TMEM132B: variants seen among roughly 807,000 people sequenced by gnomAD.
TMEM132B encodes transmembrane protein 132B.
TMEM132B carries 18 observed loss-of-function variants against 90.8 expected under a neutral mutation model. The observed-to-expected ratio is 0.20, with a 90% CI of 0.14 to 0.29. The LOEUF (loss-of-function observed/expected upper bound fraction) is 0.29, where lower values mean the gene tolerates loss of function less well. TMEM132B is among the 10% of genes least tolerant of loss of function. The probability of loss-of-function intolerance (pLI) is 1.00; values close to 1 mark genes in which losing one functional copy is unlikely to be tolerated. For synonymous variants in TMEM132B, 504 were observed against 523.3 expected (o/e 0.96, Z 0.50); for missense variants, 1,096 against 1,326.8 (o/e 0.83, Z 2.70).
At position 125,480,525 on chromosome 12, in the gene TMEM132B, C is replaced by T. The variant is rs142994636; in HGVS notation, c.1107-38914C>T. ...AAAATCTAGAAGAAATGGATAAATT[C>T]CGGGCCACATACACCCTCCCAAGAC... On this transcript the variant is annotated intron_variant, in intron 3 of 8. Transcript: ENST00000682704. Among the ~76,000 whole-genome samples the T allele has an allele frequency of 7.0e-3, 1,066 of 152,262 alleles. 4 individuals are homozygous for T. The highest frequency in any genetic ancestry group is 0.012 in the Non-Finnish European group (787 of 68,014).
intron 3 of TMEM132B, among the ~76,000 whole-genome samples, chr12:125,448,931 A>G (rs1345182874): frequency 6.8e-6 from 1 of 147,408 alleles, no homozygotes; most frequent in Non-Finnish European, 1.5e-5. Flanking sequence ...AATTTTGAGC[A>G]TCTTTTATTG....
chr12:125,401,164 C>A (rs1428518395), intron 2 of TMEM132B, among the ~76,000 whole-genome samples: 1 of 152,154 alleles, frequency 6.6e-6, no homozygotes, highest in African/African-American at 2.4e-5. Flanking sequence ...CCCTTGAAGT[C>A]TCATATTCGT....
chr12:125,304,429 A>G (rs571046021), intron 1 of TMEM132B, among the ~76,000 whole-genome samples: 21 of 152,218 alleles, frequency 1.4e-4, no homozygotes, highest in Admixed American at 4.6e-4. Context: ...AATGATTGCA[A>G]AATCCATGAA....
intron 3 of TMEM132B, among the ~76,000 whole-genome samples, chr12:125,511,391 C>A (rs984560446): frequency 6.6e-6 from 1 of 152,122 alleles, no homozygotes; most frequent in Non-Finnish European, 1.5e-5. Flanking sequence ...GCATTGTAGT[C>A]GGTTCCAGGA....
At chr12:125,542,025 CA>C (rs71306285) in intron 4 of TMEM132B, among the ~76,000 whole-genome samples, 1,737 of 23,294 alleles carry the variant, frequency 0.075, 3 homozygotes, top group Middle Eastern at 0.1. Context: ...ACCCCCGTCT[CA>C]AAAAAAAAAA....
chr12:125,265,525 G>A (rs1202711837), intron 1 of TMEM132B, among the ~76,000 whole-genome samples: 4 of 152,182 alleles, frequency 2.6e-5, no homozygotes, highest in Non-Finnish European at 5.9e-5. Context: ...ACCACAGAAA[G>A]TGAGAGCAAG....
rs1436359867 is a variant in TMEM132B, at chr12:125,494,439, G to A, written c.1107-25000G>A. Among the ~76,000 whole-genome samples, 16 of 116,150 alleles carry A rather than the reference G, an allele frequency of 1.4e-4. 1 individual carries two copies. Among genetic ancestry groups the A allele is most frequent in the Admixed American group, 1.9e-4 (2 of 10,472 alleles). The allele number at this position is 116,150 out of a possible 152,430, so 76.2% of individuals were successfully genotyped here. A position where few individuals can be genotyped will look rare whatever the true frequency, so the allele number is the denominator to read the frequency against. On this transcript the variant is annotated intron_variant, in intron 3 of 8. Transcript: ENST00000682704. ...CCCCCTCCTCCCTGGAAATGGCCGT[G>A]TCCCTCCTCCCCCTCCTCCCCAAAA...
At chr12:125,593,597 C>T (rs1278888948) in intron 5 of TMEM132B, among the ~76,000 whole-genome samples, 1 of 152,114 alleles carries the variant, frequency 6.6e-6, no homozygotes, top group South Asian at 2.1e-4. Context: ...TCCAATATGG[C>T]TCTAGGGTCC....
chr12:125,287,476 C>G (rs1387629508), intron 1 of TMEM132B, among the ~76,000 whole-genome samples: 1 of 152,028 alleles, frequency 6.6e-6, no homozygotes, highest in African/African-American at 2.4e-5. Flanking sequence ...TTAAAGGTAC[C>G]ATTTCCAAGC....
At position 125,407,874 on chromosome 12, in the gene TMEM132B, C is replaced by T. The variant is rs80050452; in HGVS notation, c.960-7657C>T. Among the ~76,000 whole-genome samples the T allele has an allele frequency of 6.8e-4, 104 of 152,340 alleles. No homozygotes were observed. In the East Asian group the frequency reaches 0.017, roughly 25 times the overall value. The stretch of plus-strand genomic sequence containing the variant: ...TTACGTCCCTGTTACAATGCACTTG[C>T]TCTGTTTTGAACTTCATATTGAACT... On this transcript the variant is annotated intron_variant, in intron 2 of 8. Transcript: ENST00000682704. The surrounding 1 kb of genome is among the most constrained non-coding windows in gnomAD (Gnocchi z 6.7).
At chr12:125,427,031 C>CT (rs1435104660) in intron 3 of TMEM132B, among the ~76,000 whole-genome samples, 1 of 152,224 alleles carries the variant, frequency 6.6e-6, no homozygotes, top group Non-Finnish European at 1.5e-5. Context: ...ATACACATTT[C>CT]TGGGAAGGTG....
chr12:125,327,861 G>A (rs1876635643), intron 1 of TMEM132B, among the ~76,000 whole-genome samples: 1 of 152,176 alleles, frequency 6.6e-6, no homozygotes, highest in South Asian at 2.1e-4. Context: ...AAGCAGGCGG[G>A]CTCTACATAG....
At chr12:125,432,067 T>C (rs935349690) in intron 3 of TMEM132B, among the ~76,000 whole-genome samples, 2 of 152,002 alleles carry the variant, frequency 1.3e-5, no homozygotes, top group Middle Eastern at 3.2e-3. Flanking sequence ...TGGGGTGCTC[T>C]GCTGCCACGC....
intron 5 of TMEM132B, among the ~76,000 whole-genome samples, chr12:125,591,221 T>C (rs1885311075): frequency 1.3e-5 from 2 of 152,212 alleles, no homozygotes; most frequent in Admixed American, 1.3e-4. Context: ...CTTACAGTTC[T>C]GGAGGTCAGA....
intron 7 of TMEM132B, 119 bp downstream of exon 7, chr12:125,651,072 G>A (rs1886904172): frequency 5.9e-6 from 8 of 1,349,900 alleles, no homozygotes; most frequent in Non-Finnish European, 7.1e-6. Context: ...ATCAACGTGT[G>A]TCACTGTGCA....
chr12:125,604,092 C>G (rs1885631324), intron 5 of TMEM132B, among the ~76,000 whole-genome samples: 2 of 152,194 alleles, frequency 1.3e-5, no homozygotes, highest in Admixed American at 1.3e-4. Flanking sequence ...AATCCCATTA[C>G]TGGGTATATA....
chr12:125,453,594 A>G (rs1484059741), intron 3 of TMEM132B, among the ~76,000 whole-genome samples: 2 of 152,184 alleles, frequency 1.3e-5, no homozygotes, highest in Non-Finnish European at 2.9e-5. Flanking sequence ...CAAGTGCAAA[A>G]AAATCACTGA....
At chr12:125,299,686 G>A (rs1481095789) in intron 1 of TMEM132B, among the ~76,000 whole-genome samples, 2 of 152,170 alleles carry the variant, frequency 1.3e-5, no homozygotes, top group Non-Finnish European at 2.9e-5. Context: ...TTTTCCAGAC[G>A]CATGTCACCA....
chr12:125,586,678 C>T (rs993047666), intron 5 of TMEM132B: 5 of 152,202 alleles, frequency 3.3e-5, no homozygotes, highest in African/African-American at 1.2e-4. Flanking sequence ...CATTTAGTAG[C>T]TGCCTGGGTG....
Sources: gnomAD v4.1 joint callset for allele counts (sites outside exome capture counted in the v4.1 genomes callset) on GRCh38, gnomAD v4.1.1 for gene constraint, Gnocchi (gnomAD v3.1) non-coding constraint, MANE v1.5 for transcripts, NCBI Gene and HGNC (gene_info 2026-07-23, HGNC 2026-07-21) for gene names.